CACNA2D3: variants seen among roughly 807,000 people sequenced by gnomAD.
CACNA2D3 encodes the protein voltage-dependent calcium channel subunit alpha-2/delta-3.
A neutral mutation model predicts 160.6 loss-of-function variants in CACNA2D3; 60 were observed. The ratio of observed to expected loss-of-function variants is 0.37; its 90% CI spans 0.30 to 0.46. The LOEUF (loss-of-function observed/expected upper bound fraction) is 0.46. Ranked by LOEUF, CACNA2D3 falls within the 20% of genes least tolerant of loss-of-function variation. CACNA2D3 has a pLI of 1.00. For synonymous variants in CACNA2D3, 558 were observed against 492.9 expected (o/e 1.13, Z -1.75); for missense variants, 1,205 against 1,365.0 (o/e 0.88, Z 1.85).
chr3:54,905,535 A>G (rs1004078227), intron 27 of CACNA2D3, among the ~76,000 whole-genome samples: 1 of 152,352 alleles, frequency 6.6e-6, no homozygotes, highest in African/African-American at 2.4e-5. Context: ...ATAAACCTCT[A>G]GTTTTTAAAA....
rs370186728 is a variant in CACNA2D3, at chr3:54,761,447, G to C, written c.1247-2771G>C. ...TGAAATATTTTCTTTCTTATCAAAC[G>C]CTGATTGCAGCCTCCATGCTTGGAG... On this transcript the variant is annotated intron_variant, in intron 12 of 37. Transcript: ENST00000474759. Among the ~76,000 whole-genome samples, 9 of 152,270 alleles carry C rather than the reference G, an allele frequency of 5.9e-5. 1 individual carries two copies. Among genetic ancestry groups the C allele is most frequent in the African/African-American group, 2.2e-4 (9 of 41,548 alleles).
intron 9 of CACNA2D3, among the ~76,000 whole-genome samples, chr3:54,607,551 A>AG (rs1169725778): frequency 6.6e-6 from 1 of 152,218 alleles, no homozygotes; most frequent in Non-Finnish European, 1.5e-5. Flanking sequence ...GAGTAAAAAA[A>AG]AATACTGACA....
intron 2 of CACNA2D3, among the ~76,000 whole-genome samples, chr3:54,224,417 C>T (rs1701632197): frequency 6.6e-6 from 1 of 152,106 alleles, no homozygotes; most frequent in African/African-American, 2.4e-5. Context: ...ATGTGCTATA[C>T]TTCTGTGTGA....
At chr3:54,662,638 G>C (rs1424578056) in intron 11 of CACNA2D3, among the ~76,000 whole-genome samples, 1 of 152,200 alleles carries the variant, frequency 6.6e-6, no homozygotes, top group Non-Finnish European at 1.5e-5. Flanking sequence ...AAGTGCGTCT[G>C]CTGGGCTTGC....
chr3:54,996,840 C>T (rs916032389), intron 31 of CACNA2D3, among the ~76,000 whole-genome samples: 1 of 152,066 alleles, frequency 6.6e-6, no homozygotes, highest in African/African-American at 2.4e-5. Flanking sequence ...TACTATGCAG[C>T]CATATAAAAG....
intron 11 of CACNA2D3, among the ~76,000 whole-genome samples, chr3:54,690,708 A>G (rs560203941): frequency 2.0e-5 from 3 of 152,320 alleles, no homozygotes; most frequent in Admixed American, 6.5e-5. Context: ...GGATCCTGCA[A>G]TTTGGGAGAA....
chr3:54,559,464 T>G (rs1702291233), intron 5 of CACNA2D3, among the ~76,000 whole-genome samples: 4 of 152,070 alleles, frequency 2.6e-5, no homozygotes, highest in African/African-American at 9.7e-5. Context: ...AGCTAGTTTT[T>G]CTATTTTTAG....
At position 54,975,607 on chromosome 3, in the gene CACNA2D3, G is replaced by A. The variant is rs141410938; in HGVS notation, c.2556+5763G>A. 9.0e-4 allele frequency among the ~76,000 whole-genome samples: 137 copies of A among 151,686 alleles called. 1 individual carries two copies. The East Asian group carries it at 0.022, about 24-fold the overall frequency. On this transcript the variant is annotated intron_variant, in intron 29 of 37. Transcript: ENST00000474759. ...GGCATGTTGTCCTTCAGGATCCCTG[G>A]CCAGTTCTCCGCCTTGTTCTCTTCC... is the stretch of plus-strand genomic sequence containing the variant.
Position 54,454,676 on chromosome 3 carries a change from G to T in CACNA2D3, c.382-48816G>T, listed in dbSNP as rs562322203. ...TTGTTAGTTATAGACACCCTACAGT[G>T]CTATGAAACATTAGAACTTATTCCT... is the stretch of plus-strand genomic sequence containing the variant. On this transcript the variant is annotated intron_variant, in intron 4 of 37. Coordinates refer to ENST00000474759, the MANE Select transcript of CACNA2D3 (RefSeq NM_018398.3). Among the ~76,000 whole-genome samples the T allele has an allele frequency of 1.1e-4, 16 of 152,048 alleles. 1 individual carries two copies. In the South Asian group the frequency reaches 2.1e-3, roughly 20 times the overall value.
In CACNA2D3 at chr3:55,073,519, CTG is replaced by C; in HGVS notation, c.3065_3066del (p.Val1022GlyfsTer9). 6.2e-7 allele frequency: 1 copy of C among 1,613,940 alleles called. No individual in the cohort carries two copies. Among genetic ancestry groups the C allele is most frequent in the Non-Finnish European group, 8.5e-7 (1 of 1,179,848 alleles). On this transcript the variant is annotated frameshift_variant, in exon 36 of 38. Coordinates refer to ENST00000474759, the MANE Select transcript of CACNA2D3 (RefSeq NM_018398.3). LOFTEE classifies it high-confidence loss of function. ...GTGGACAGCAGCTGCCTCTGTGAAT[CTG>C]TGGCCCCCATCACCATGGCACCCAT...
At chr3:54,215,180 T>A (rs185156848) in intron 2 of CACNA2D3, among the ~76,000 whole-genome samples, 1 of 152,324 alleles carries the variant, frequency 6.6e-6, no homozygotes, top group Admixed American at 6.5e-5. Context: ...TTCATTCAAA[T>A]ATCCTACCCC....
intron 16 of CACNA2D3, among the ~76,000 whole-genome samples, chr3:54,842,606 T>C (rs1698841988): frequency 1.1e-5 from 1 of 93,378 alleles, no homozygotes; most frequent in African/African-American, 3.8e-5. Context: ...TTTTTTCTTT[T>C]CTTTTTTTTT....
At position 54,278,889 on chromosome 3, in the gene CACNA2D3, C is replaced by T. The variant is rs555753938; in HGVS notation, c.205-41553C>T. On this transcript the variant is annotated intron_variant, in intron 2 of 37. Coordinates refer to ENST00000474759, the MANE Select transcript of CACNA2D3 (RefSeq NM_018398.3). ...TAGGAGAAATACCTAATGTAGATGACGGGTTGATGGGTGCAGTGAACCACC... is the reference window on the plus strand; with the variant it reads ...TAGGAGAAATACCTAATGTAGATGATGGGTTGATGGGTGCAGTGAACCACC... Among the ~76,000 whole-genome samples, 7 of 152,176 alleles carry T rather than the reference C, an allele frequency of 4.6e-5. No individual in the cohort carries two copies. In the South Asian group the frequency reaches 6.2e-4, roughly 14 times the overall value.
chr3:54,228,884 A>G (rs1042872535), intron 2 of CACNA2D3, among the ~76,000 whole-genome samples: 1 of 152,198 alleles, frequency 6.6e-6, no homozygotes, highest in Non-Finnish European at 1.5e-5. Flanking sequence ...CTGCATGAGC[A>G]GCTCACATTT....
At chr3:54,350,990 T>TTG (rs1559457851) in intron 3 of CACNA2D3, among the ~76,000 whole-genome samples, 16 of 119,870 alleles carry the variant, frequency 1.3e-4, no homozygotes, top group Non-Finnish European at 2.9e-4. Context: ...TTGTTTGTTT[T>TTG]TTTTTTTTTT....
intron 2 of CACNA2D3, among the ~76,000 whole-genome samples, chr3:54,319,246 T>C (rs1703937597): frequency 6.6e-6 from 1 of 151,490 alleles, no homozygotes; most frequent in Non-Finnish European, 1.5e-5. Context: ...ATTTACATTT[T>C]GAAGGTATAG....
chr3:54,458,763 T>A (rs558376743), intron 4 of CACNA2D3, among the ~76,000 whole-genome samples: 46 of 143,458 alleles, frequency 3.2e-4, no homozygotes, highest in African/African-American at 1.2e-3. Context: ...ACATTTTCTT[T>A]TTTTATTTTA....
chr3:54,925,029 A>G (rs1165549137), intron 27 of CACNA2D3: 1 of 1,614,070 alleles, frequency 6.2e-7, no homozygotes, highest in Non-Finnish European at 8.5e-7. Flanking sequence ...AAAAGCAGGA[A>G]GATGGTGTAT....
chr3:54,136,444 C>G (rs1699817347), intron 2 of CACNA2D3, among the ~76,000 whole-genome samples: 2 of 152,212 alleles, frequency 1.3e-5, no homozygotes, highest in South Asian at 4.1e-4. Flanking sequence ...TTGCCTTTGT[C>G]TAAATGTTGG....
Sources: gnomAD v4.1 joint callset for allele counts (sites outside exome capture counted in the v4.1 genomes callset) on GRCh38, gnomAD v4.1.1 for gene constraint, MANE v1.5 for transcripts, NCBI Gene and HGNC (gene_info 2026-07-23, HGNC 2026-07-21) for gene names.